LARGE1: variants seen among roughly 807,000 people sequenced by gnomAD.
LARGE1 encodes the protein LARGE xylosyl- and glucuronyltransferase 1.
Under a neutral mutation model 87.6 loss-of-function variants are expected in LARGE1, and 43 were observed. That is an observed-to-expected ratio of 0.49 (90% CI 0.38 to 0.63). The LOEUF (loss-of-function observed/expected upper bound fraction) is 0.63. Among genes scored for constraint, LARGE1 ranks in the 30% least tolerant of loss-of-function variants. The probability of loss-of-function intolerance (pLI) is 0.00; values close to 1 mark genes in which losing one functional copy is unlikely to be tolerated. For missense variants in LARGE1, 802 were observed against 1,000.2 expected, an observed-to-expected ratio of 0.80 and a Z score of 2.67; for synonymous variants, 434 against 394.6, an observed-to-expected ratio of 1.10 and a Z score of -1.18.
At chr22:33,672,589 G>A (rs968788907) in intron 2 of LARGE1, among the ~76,000 whole-genome samples, 29 of 152,164 alleles carry the variant, frequency 1.9e-4, no homozygotes, top group South Asian at 4.1e-4. Context: ...CAATTTGGGT[G>A]GGGAAGTAAG....
chr22:33,170,098 C>T (rs908699220), intron 11 of LARGE1, among the ~76,000 whole-genome samples: 1 of 151,824 alleles, frequency 6.6e-6, no homozygotes, highest in Non-Finnish European at 1.5e-5. Flanking sequence ...AGATTATTGC[C>T]CTGGGCTGGT....
intron 2 of LARGE1, among the ~76,000 whole-genome samples, chr22:33,757,087 G>A (rs1336003241): frequency 2.0e-5 from 3 of 152,192 alleles, no homozygotes; most frequent in Admixed American, 6.5e-5. Context: ...CACCTGATGA[G>A]CGTCCTTCAC....
At chr22:33,355,008 A>C (rs1940758424) in intron 9 of LARGE1, among the ~76,000 whole-genome samples, 1 of 152,198 alleles carries the variant, frequency 6.6e-6, no homozygotes, top group Non-Finnish European at 1.5e-5. Flanking sequence ...AATAAAATGA[A>C]ACTTTTCTGT....
intron 10 of LARGE1, among the ~76,000 whole-genome samples, chr22:33,333,025 T>TTTTTTTTTTTTTTTTA (rs1569065273): frequency 6.7e-5 from 10 of 150,338 alleles, no homozygotes; most frequent in East Asian, 2.0e-4. Flanking sequence ...TTTTTTTTTT[T>TTTTTTTTTTTTTTTTA]GGACGGAGTC....
At chr22:33,816,224 G>C (rs1323144817) in intron 1 of LARGE1, among the ~76,000 whole-genome samples, 1 of 152,116 alleles carries the variant, frequency 6.6e-6, no homozygotes, top group East Asian at 1.9e-4. Context: ...TTTCATGCTT[G>C]GTTTCATCCT....
At chr22:33,442,286 T>C (rs906693634) in intron 6 of LARGE1, among the ~76,000 whole-genome samples, 4 of 152,170 alleles carry the variant, frequency 2.6e-5, no homozygotes, top group African/African-American at 9.6e-5. Flanking sequence ...CCAGGATCTG[T>C]GCTAACTGCT....
chr22:33,667,361 T>C (rs1348606973), intron 2 of LARGE1, among the ~76,000 whole-genome samples: 6 of 152,252 alleles, frequency 3.9e-5, no homozygotes, highest in Non-Finnish European at 8.8e-5. Context: ...TCATGACGTT[T>C]ATCTCAGTCT....
chr22:33,524,815 A>G (rs1178435183), intron 6 of LARGE1, among the ~76,000 whole-genome samples: 2 of 152,156 alleles, frequency 1.3e-5, no homozygotes, highest in East Asian at 1.9e-4. Flanking sequence ...AGCTATAAGC[A>G]AAGTACAGCC....
At chr22:33,878,061 C>T (rs1042401405) in intron 1 of LARGE1, among the ~76,000 whole-genome samples, 1 of 142,016 alleles carries the variant, frequency 7.0e-6, no homozygotes, top group Non-Finnish European at 1.5e-5. Context: ...AATTTTACCT[C>T]TTTTTACCTT....
intron 7 of LARGE1, among the ~76,000 whole-genome samples, chr22:33,403,248 G>A (rs1270265358): frequency 1.3e-5 from 2 of 152,186 alleles, no homozygotes; most frequent in African/African-American, 4.8e-5. Context: ...ACAAGTATAA[G>A]CTCCTGCATT....
At chr22:33,101,946 T>C in the LARGE1 span, among the ~76,000 whole-genome samples, 1 of 152,206 alleles carries the variant, frequency 6.6e-6, no homozygotes, top group Non-Finnish European at 1.5e-5. Flanking sequence ...AAAATCTTTT[T>C]GTTTTATTCC....
rs1300269456 is a variant in LARGE1, at chr22:33,215,613, G to A, written c.1731-48781C>T. On this transcript the variant is annotated intron_variant, in intron 11 of 11. Coordinates refer to the LARGE1 transcript ENST00000608642. ...ATAATCTCCTTTATGATTTGTGTGT[G>A]TGCTTTTTTTTCCCTTAAGACATCA... Among the ~76,000 whole-genome samples, 2 of 152,262 alleles carry A rather than the reference G, an allele frequency of 1.3e-5. 1 individual carries two copies. The highest frequency in any genetic ancestry group is 6.8e-3 in the Middle Eastern group (2 of 294).
At chr22:33,258,310 G>C (rs1447339293) in intron 11 of LARGE1, among the ~76,000 whole-genome samples, 1 of 152,216 alleles carries the variant, frequency 6.6e-6, no homozygotes, top group African/African-American at 2.4e-5. Context: ...GGGATTACAG[G>C]TGTTAGCCAC....
exon 12 of LARGE1, chr22:33,162,594 G>T (rs1241220355): frequency 2.0e-5 from 3 of 152,078 alleles, no homozygotes; most frequent in Non-Finnish European, 4.4e-5. Flanking sequence ...CATAAATCAG[G>T]ATCAACTTTG....
chr22:33,218,965 G>C (rs1216424775), intron 11 of LARGE1, among the ~76,000 whole-genome samples: 8 of 152,322 alleles, frequency 5.3e-5, no homozygotes, highest in South Asian at 2.1e-4. Flanking sequence ...AGGTATTTAA[G>C]AATCAGTTGT....
At position 33,755,454 on chromosome 22, in the gene LARGE1, G is replaced by A. The variant is rs189214350; in HGVS notation, c.106+5917C>T. ...GAAGAGTTTTCTGAACGGCTGAAAA[G>A]CACCCTTTTTCCACATGCTGATAAG... On this transcript the variant is annotated intron_variant, in intron 2 of 14. Transcript: ENST00000397394. Among the ~76,000 whole-genome samples the A allele has an allele frequency of 1.7e-4, 26 of 152,256 alleles. No homozygotes were observed. In the East Asian group the frequency reaches 4.2e-3, roughly 25 times the overall value.
At chr22:33,119,567 T>A in the LARGE1 span, among the ~76,000 whole-genome samples, 1 of 152,082 alleles carries the variant, frequency 6.6e-6, no homozygotes, top group African/African-American at 2.4e-5. Context: ...ATGACTTTTT[T>A]TTTTCCCATG....
chr22:33,229,733 T>C (rs547012889), intron 11 of LARGE1, among the ~76,000 whole-genome samples: 2 of 152,206 alleles, frequency 1.3e-5, no homozygotes, highest in African/African-American at 4.8e-5. Flanking sequence ...GTAGGCAATA[T>C]TTGGCGAGAC....
chr22:33,439,728 T>C (rs887708413), intron 6 of LARGE1, among the ~76,000 whole-genome samples: 5 of 152,182 alleles, frequency 3.3e-5, no homozygotes, highest in Non-Finnish European at 5.9e-5. Flanking sequence ...CACCATCTTC[T>C]TAGGTGATTT....
Sources: gnomAD v4.1 joint callset for allele counts (sites outside exome capture counted in the v4.1 genomes callset) on GRCh38, gnomAD v4.1.1 for gene constraint, MANE v1.5 for transcripts, NCBI Gene and HGNC (gene_info 2026-07-23, HGNC 2026-07-21) for gene names.